The following EFEMP1 variants were observed in gnomAD, a reference collection of about 807,000 sequenced individuals.
EFEMP1 encodes EGF-like fibulin extracellular matrix protein 1.
Under a neutral mutation model 65.7 loss-of-function variants are expected in EFEMP1, and 18 were observed. The observed-to-expected ratio is 0.27, with a 90% confidence interval of 0.19 to 0.41. The LOEUF (loss-of-function observed/expected upper bound fraction) is 0.41. Ranked by LOEUF, EFEMP1 falls within the 10% of genes least tolerant of loss-of-function variation. The pLI, the probability that EFEMP1 is intolerant of heterozygous loss-of-function variation, is 1.00. For synonymous variants in EFEMP1, 237 were observed against 219.7 expected, an observed-to-expected ratio of 1.08 and a Z score of -0.70; for missense variants, 469 against 624.8, an observed-to-expected ratio of 0.75 and a Z score of 2.66.
At chr2:55,895,183 G>C (rs1290100168) in intron 5 of EFEMP1, among the ~76,000 whole-genome samples, 2 of 152,206 alleles carry the variant, frequency 1.3e-5, no homozygotes, top group Non-Finnish European at 2.9e-5. Context: ...GCTGCTGCCA[G>C]GCTCCCAGGG....
intron 5 of EFEMP1, among the ~76,000 whole-genome samples, chr2:55,896,881 T>A (rs1669846353): frequency 6.6e-6 from 1 of 152,222 alleles, no homozygotes; most frequent in African/African-American, 2.4e-5. Context: ...AAAACATGAC[T>A]GGCAAGGCCC....
At chr2:55,892,287 A>AAAT (rs1281899449) in intron 5 of EFEMP1, among the ~76,000 whole-genome samples, 3 of 152,164 alleles carry the variant, frequency 2.0e-5, no homozygotes, top group Non-Finnish European at 4.4e-5. Flanking sequence ...TGAATCTGAC[A>AAAT]TTAAAGCCTA....
chr2:55,881,576 A>C (rs755163976), intron 6 of EFEMP1, 36 bp downstream of exon 6: 2 of 1,612,406 alleles, frequency 1.2e-6, no homozygotes, highest in Non-Finnish European at 1.7e-6. Context: ...TAAGGTACTC[A>C]AGACAGGACC....
At chr2:55,905,586 C>G (rs1226404364) in intron 5 of EFEMP1, among the ~76,000 whole-genome samples, 1 of 152,014 alleles carries the variant, frequency 6.6e-6, no homozygotes, top group Non-Finnish European at 1.5e-5. Flanking sequence ...TAGCTGGGGA[C>G]TACAGCCGCA....
rs1015380845 is a variant in EFEMP1, at chr2:55,885,963, C to T, written c.518-4229G>A. ...CAATGTTCTTTCCATAATTTGATAA[C>T]TTACCACAACATGGAGTCCCTTTAG... On this transcript the variant is annotated intron_variant, in intron 5 of 11. Transcript: ENST00000355426. The surrounding 1 kb of genome is among the most constrained non-coding windows in gnomAD (Gnocchi z 4.3). Among the ~76,000 whole-genome samples the T allele has an allele frequency of 2.0e-5, 3 of 152,182 alleles. No individual in the cohort carries two copies. The highest frequency in any genetic ancestry group is 4.4e-5 in the Non-Finnish European group (3 of 68,034).
At chr2:55,909,514 T>G (rs888679690) in intron 5 of EFEMP1, among the ~76,000 whole-genome samples, 1 of 152,192 alleles carries the variant, frequency 6.6e-6, no homozygotes, top group Non-Finnish European at 1.5e-5. Context: ...GTGGACATGA[T>G]ACAATGCTTC....
Position 55,867,324 on chromosome 2 carries a change from G to C in EFEMP1, c.1321-90C>G. Reference sequence around the variant, plus strand: ...GTTAGTATACCTCCTATAAGAATTAGGGGGAGAATTTTGAAGGTGGTATAA... The same window carrying C: ...GTTAGTATACCTCCTATAAGAATTACGGGGAGAATTTTGAAGGTGGTATAA... On this transcript the variant is annotated intron_variant, in intron 11 of 11. Transcript: ENST00000355426. This position sits in a 1 kb window ranked among gnomAD's most constrained non-coding sequence, Gnocchi z 4.3. 7.0e-7 allele frequency: 1 copy of C among 1,428,382 alleles called. No homozygotes were observed. Among genetic ancestry groups the C allele is most frequent in the Non-Finnish European group, 9.5e-7 (1 of 1,049,246 alleles). The allele number at this position is 1,428,382 out of a possible 1,614,324, so 88.5% of individuals were successfully genotyped here.
At position 55,917,298 on chromosome 2, in the gene EFEMP1, G is replaced by T. The variant is rs1670733273; in HGVS notation, c.517+367C>A. 6.6e-6 allele frequency among the ~76,000 whole-genome samples: 1 copy of T among 152,092 alleles called. No homozygotes were observed. Among genetic ancestry groups the T allele is most frequent in the African/African-American group, 2.4e-5 (1 of 41,404 alleles). On this transcript the variant is annotated intron_variant, in intron 5 of 11. Coordinates refer to ENST00000355426, the MANE Select transcript of EFEMP1 (RefSeq NM_001039348.3). This position sits in a 1 kb window ranked among gnomAD's most constrained non-coding sequence, Gnocchi z 6.3. ...GTGTGACCTCTGGTTCTCAAACTTG[G>T]CCGCACATGAGGAACTGAAAAAAAA...
chr2:55,920,577 T>C (rs1245031020), intron 3 of EFEMP1, among the ~76,000 whole-genome samples: 1 of 152,244 alleles, frequency 6.6e-6, no homozygotes, highest in Non-Finnish European at 1.5e-5. Flanking sequence ...CAGGCAAAAA[T>C]GGCAGTTCAC....
chr2:55,870,884 A>C lies in EFEMP1; in HGVS notation c.1156T>G (p.Cys386Gly). The change falls in exon 11 of 12, where the codon TGC (cysteine) becomes GGC (glycine). Residue 386 changes from cysteine to glycine, a missense_variant. Transcript: ENST00000355426. This position sits in a 1 kb window ranked among gnomAD's most constrained non-coding sequence, Gnocchi z 5.8. ...RCVCPVSNAM[C>G]RELPQSIVYK... ...ACTATTGACTGGGGCAGTTCTCGGCACATGGCATTTGAGACTGGGCAAACA... is the reference window on the plus strand; with the variant it reads ...ACTATTGACTGGGGCAGTTCTCGGCCCATGGCATTTGAGACTGGGCAAACA... The C allele has an allele frequency of 6.2e-7, 1 of 1,613,764 alleles. No homozygotes were observed.
intron 5 of EFEMP1, among the ~76,000 whole-genome samples, chr2:55,901,024 T>C (rs1670011452): frequency 6.6e-6 from 1 of 152,214 alleles, no homozygotes. Flanking sequence ...GCATGTCTTC[T>C]AGTAGACTTT....
intron 8 of EFEMP1, among the ~76,000 whole-genome samples, chr2:55,875,656 T>C (rs1309560452): frequency 6.6e-6 from 1 of 152,096 alleles, no homozygotes; most frequent in Non-Finnish European, 1.5e-5. Flanking sequence ...TTTTGGACTC[T>C]GCAGACCCAT....
Position 55,866,885 on chromosome 2 carries a change from TAAA to T in EFEMP1, c.*185_*187del. On this transcript the variant is annotated 3_prime_UTR_variant, in exon 12 of 12. Transcript: ENST00000355426. ...TTAATGTCTAATTTACATATAGTAA[TAAA>T]GACAAACTTTGAATCTTTACATATT... is the stretch of plus-strand genomic sequence containing the variant. The T allele has an allele frequency of 1.4e-6, 1 of 708,130 alleles. No individual in the cohort carries two copies. The highest frequency in any genetic ancestry group is 2.3e-6 in the Non-Finnish European group (1 of 436,392). The allele number at this position is 708,130 out of a possible 1,614,324, so 43.9% of individuals were successfully genotyped here. A position where few individuals can be genotyped will look rare whatever the true frequency, so the allele number is the denominator to read the frequency against.
Position 55,866,684 on chromosome 2 carries a change from A to G in EFEMP1, c.*389T>C, listed in dbSNP as rs375379036. The stretch of plus-strand genomic sequence containing the variant: ...GTTAAAAACTCATTCTTACCCTTGC[A>G]TGCTATTCAATGGTTATGATGGCTG... On this transcript the variant is annotated 3_prime_UTR_variant, in exon 12 of 12. Transcript: ENST00000355426. 2 of 174,306 alleles carry G rather than the reference A, an allele frequency of 1.1e-5. No individual in the cohort carries two copies. Among genetic ancestry groups the G allele is most frequent in the East Asian group, 3.1e-4 (2 of 6,482 alleles). 10.8% of individuals were successfully genotyped at this position (174,306 alleles called of 1,614,324 possible). A position where few individuals can be genotyped will look rare whatever the true frequency, so the allele number is the denominator to read the frequency against.
At chr2:55,902,659 A>G (rs1482188842) in intron 5 of EFEMP1, among the ~76,000 whole-genome samples, 1 of 152,196 alleles carries the variant, frequency 6.6e-6, no homozygotes, top group Non-Finnish European at 1.5e-5. Flanking sequence ...ACTTTTAGCA[A>G]ACAACTAGTA....
rs954231474 is a variant in EFEMP1, at chr2:55,874,989, C to T, written c.957G>A (p.Met319Ile). The T allele has an allele frequency of 1.2e-6, 2 of 1,609,604 alleles. No individual in the cohort carries two copies. The highest frequency in any genetic ancestry group is 1.1e-5 in the South Asian group (1 of 90,976). The change falls in exon 9 of 12, where the codon ATG (methionine) becomes ATA (isoleucine). Residue 319 changes from methionine to isoleucine, a missense_variant. Met to Ile is a conservative substitution (Grantham distance 10). Around this residue, in one of 3 missense-constraint regions of EFEMP1, gnomAD observed 399 missense variants for 528.2 expected, o/e 0.76. Coordinates refer to ENST00000355426, the MANE Select transcript of EFEMP1 (RefSeq NM_001039348.3). ...CVNEPGKFSC[M>I]CPQGYQVVRS... ...TCACCACTTGGTATCCCTGGGGGCA[C>T]ATACATGAGAATTTCCCAGGTTCAT...
In EFEMP1 at chr2:55,883,753, G is replaced by A. The variant is rs958012181; in HGVS notation, c.518-2019C>T. ...CTCATTTCTTAGTGTCTGATAAATA[G>A]GCTAACATTTCCAGTGGAATTAATG... On this transcript the variant is annotated intron_variant, in intron 5 of 11. Coordinates refer to ENST00000355426, the MANE Select transcript of EFEMP1 (RefSeq NM_001039348.3). This position sits in a 1 kb window ranked among gnomAD's most constrained non-coding sequence, Gnocchi z 4.5. Among the ~76,000 whole-genome samples, 15 of 152,020 alleles carry A rather than the reference G, an allele frequency of 9.9e-5. No individual in the cohort carries two copies. Among genetic ancestry groups the A allele is most frequent in the Non-Finnish European group, 1.8e-4 (12 of 68,012 alleles).
intron 8 of EFEMP1, 145 bp downstream of exon 8, chr2:55,876,478 G>T: frequency 8.7e-7 from 1 of 1,155,358 alleles, no homozygotes; most frequent in Non-Finnish European, 1.2e-6. Context: ...AAAAGGCAAT[G>T]TAACAACTGA....
chr2:55,867,106 T>A lies in EFEMP1; in HGVS notation c.1449A>T (p.Arg483Ser). ...IGTFRTSSVL[R>S]LTIIVGPFSF ...AAAATGGCCCCACTATTATTGTCAA[T>A]CTTAACACAGAGCTTGTGCGGAAGG... Residue 483 changes from arginine (R) to serine (S), a missense_variant, in exon 12 of 12, where the codon AGA becomes AGT. Arg to Ser is a moderately radical substitution (Grantham distance 110). Around this residue, in one of 3 missense-constraint regions of EFEMP1, gnomAD observed 399 missense variants for 528.2 expected, o/e 0.76. Coordinates refer to ENST00000355426, the MANE Select transcript of EFEMP1 (RefSeq NM_001039348.3). The surrounding 1 kb of genome is among the most constrained non-coding windows in gnomAD (Gnocchi z 4.3). The A allele has an allele frequency of 6.2e-7, 1 of 1,613,456 alleles. No homozygotes were observed. Among genetic ancestry groups the A allele is most frequent in the Non-Finnish European group, 8.5e-7 (1 of 1,179,930 alleles).
Sources: allele counts gnomAD v4.1 joint callset (sites outside exome capture counted in the v4.1 genomes callset), GRCh38; gene constraint gnomAD v4.1.1; regional missense constraint gnomAD v4.1.1; non-coding constraint Gnocchi (gnomAD v3.1); transcripts MANE v1.5; gene names NCBI Gene and HGNC (gene_info 2026-07-23, HGNC 2026-07-21).